Variants in ETFDH observed in about 807,000 individuals in gnomAD.
ETFDH encodes electron transfer flavoprotein dehydrogenase, also known as electron transfer flavoprotein-ubiquinone oxidoreductase, mitochondrial.
A neutral mutation model predicts 73.2 loss-of-function variants in ETFDH; 61 were observed. That is an observed-to-expected ratio of 0.83 (90% CI 0.68 to 1.03). ETFDH has a LOEUF of 1.03. Among genes scored for constraint, ETFDH ranks in the 50% least tolerant of loss-of-function variants. The probability of loss-of-function intolerance (pLI) is 0.00; values close to 1 mark genes in which losing one functional copy is unlikely to be tolerated. For missense variants in ETFDH, 685 were observed against 745.0 expected (o/e 0.92, Z 0.94); for synonymous variants, 243 against 253.3 (o/e 0.96, Z 0.39).
chr4:158,704,988 G>A (rs1774568960), intron 10 of ETFDH, among the ~76,000 whole-genome samples: 1 of 152,016 alleles, frequency 6.6e-6, no homozygotes, highest in Admixed American at 6.6e-5. Context: ...ACTGTATCAT[G>A]TGTATATAGT....
At chr4:158,674,652 T>A (rs925750205) in intron 1 of ETFDH, among the ~76,000 whole-genome samples, 8 of 152,054 alleles carry the variant, frequency 5.3e-5, no homozygotes, top group South Asian at 2.1e-4. Flanking sequence ...TTTGCCACTT[T>A]AAAAAAAATG....
intron 2 of ETFDH, 109 bp downstream of exon 2, chr4:158,680,716 T>C: frequency 1.0e-6 from 1 of 973,728 alleles, no homozygotes; most frequent in Non-Finnish European, 1.6e-6. Context: ...CTAATAATAT[T>C]TTGTGGCTTT....
chr4:158,685,052 T>C (rs201931323), intron 4 of ETFDH, 49 bp from the exon 5 acceptor site: 25 of 1,055,648 alleles, frequency 2.4e-5, no homozygotes, highest in Middle Eastern at 4.0e-4. Context: ...GTTTTTGTAA[T>C]GTCTTATCAA....
chr4:158,680,921 T>C (rs1327116759), intron 2 of ETFDH, among the ~76,000 whole-genome samples: 1 of 152,230 alleles, frequency 6.6e-6, no homozygotes, highest in Non-Finnish European at 1.5e-5. Context: ...CATACTCTAC[T>C]GCCAGTTCTT....
At chr4:158,702,462 C>T (rs151270096) in intron 9 of ETFDH, among the ~76,000 whole-genome samples, 7 of 152,164 alleles carry the variant, frequency 4.6e-5, no homozygotes, top group Non-Finnish European at 7.4e-5. Context: ...CCCGCCCCCA[C>T]GCCCCGCATC....
At chr4:158,698,597 T>C (rs1774374033) in intron 8 of ETFDH, among the ~76,000 whole-genome samples, 1 of 152,210 alleles carries the variant, frequency 6.6e-6, no homozygotes, top group African/African-American at 2.4e-5. Flanking sequence ...TTACAGCTCC[T>C]TTCATAGAAA....
At chr4:158,676,701 T>C (rs889293333) in intron 1 of ETFDH, among the ~76,000 whole-genome samples, 3 of 152,228 alleles carry the variant, frequency 2.0e-5, no homozygotes, top group African/African-American at 7.2e-5. Flanking sequence ...TCAGTTATAA[T>C]TTTTGCAAAG....
At chr4:158,677,635 T>G (rs1040816622) in intron 1 of ETFDH, among the ~76,000 whole-genome samples, 1 of 152,242 alleles carries the variant, frequency 6.6e-6, no homozygotes, top group Non-Finnish European at 1.5e-5. Context: ...CTAGGGCCTG[T>G]TGTCATGTGA....
At chr4:158,681,140 CA>C (rs1255109988) in intron 2 of ETFDH, among the ~76,000 whole-genome samples, 1 of 152,142 alleles carries the variant, frequency 6.6e-6, no homozygotes, top group Non-Finnish European at 1.5e-5. Flanking sequence ...TAGGAGATGA[CA>C]GCTCCATGCG....
At chr4:158,688,832 A>G (rs754775308) in intron 5 of ETFDH, among the ~76,000 whole-genome samples, 9 of 152,230 alleles carry the variant, frequency 5.9e-5, no homozygotes, top group African/African-American at 1.4e-4. Context: ...TACAGATACA[A>G]TCTATTCATT....
chr4:158,682,299 C>T lies in ETFDH; in HGVS notation c.280C>T (p.His94Tyr), dbSNP rs1257174428. 2.5e-6 allele frequency: 4 copies of T among 1,614,150 alleles called. No homozygotes were observed. Among genetic ancestry groups the T allele is most frequent in the South Asian group, 2.2e-5 (2 of 91,088 alleles). The stretch of plus-strand genomic sequence containing the variant: ...TCGTCTAAAACAGTTGGCTGTGGCA[C>T]ATGAAAAGGACATCCGTGTGTGTCT... ...AVRLKQLAVA[H>Y]EKDIRVCLVE... The change falls in exon 3 of 13, where the codon CAT becomes TAT. Residue 94 changes from histidine (H) to tyrosine (Y), a missense_variant. Physicochemically the swap from His to Tyr is moderately conservative, Grantham distance 83 (BLOSUM62 2). This residue lies in a region of ETFDH where 405 missense variants were observed against 399.3 expected (regional missense o/e 1.01). Coordinates refer to ENST00000511912, the MANE Select transcript of ETFDH (RefSeq NM_004453.4).
intron 9 of ETFDH, among the ~76,000 whole-genome samples, chr4:158,701,321 C>T (rs1298906970): frequency 6.6e-6 from 1 of 152,202 alleles, no homozygotes; most frequent in African/African-American, 2.4e-5. Flanking sequence ...TTGTCATCAT[C>T]TAAGTCCCTA....
chr4:158,705,580 C>T (rs776916165), intron 10 of ETFDH, among the ~76,000 whole-genome samples: 3 of 152,178 alleles, frequency 2.0e-5, no homozygotes, highest in Non-Finnish European at 4.4e-5. Context: ...TTCACTCTTA[C>T]AGGTAGCATG....
intron 6 of ETFDH, among the ~76,000 whole-genome samples, chr4:158,695,195 T>C (rs1774277492): frequency 6.6e-6 from 1 of 152,236 alleles, no homozygotes. Flanking sequence ...GAATGGCTAT[T>C]ATCCATTGGC....
chr4:158,678,442 CA>C (rs1253044061), intron 1 of ETFDH, among the ~76,000 whole-genome samples: 3 of 152,156 alleles, frequency 2.0e-5, no homozygotes, highest in Non-Finnish European at 2.9e-5. Context: ...CTTTTCACCA[CA>C]TCATATCAGG....
At chr4:158,676,271 G>A (rs1773708813) in intron 1 of ETFDH, among the ~76,000 whole-genome samples, 1 of 152,116 alleles carries the variant, frequency 6.6e-6, no homozygotes, top group Non-Finnish European at 1.5e-5. Flanking sequence ...CACTGAGTCA[G>A]TTCCAGGGTG....
Position 158,703,551 on chromosome 4 carries a change from T to C in ETFDH, c.1245T>C (p.Phe415=). 6.2e-7 allele frequency: 1 copy of C among 1,608,432 alleles called. No homozygotes were observed. Among genetic ancestry groups the C allele is most frequent in the African/African-American group, 1.3e-5 (1 of 74,960 alleles). The change falls in exon 10 of 13, where the codon TTT becomes TTC. Residue 415 remains phenylalanine (F), a synonymous_variant. Coordinates refer to ENST00000511912, the MANE Select transcript of ETFDH (RefSeq NM_004453.4). ...GAATTTTAGCAGCAGAATCTATTTTTAATCAACTAACTAGTGAAAATCTCC... is the reference window on the plus strand; with the variant it reads ...GAATTTTAGCAGCAGAATCTATTTTCAATCAACTAACTAGTGAAAATCTCC... ...KSGILAAESI[F]NQLTSENLQS...
intron 10 of ETFDH, among the ~76,000 whole-genome samples, 176 bp from the exon 11 acceptor site, chr4:158,706,013 G>C (rs1160391534): frequency 6.6e-6 from 1 of 152,154 alleles, no homozygotes; most frequent in Non-Finnish European, 1.5e-5. Context: ...TCTAGGAGGT[G>C]GAGGTTGCAG....
intron 1 of ETFDH, among the ~76,000 whole-genome samples, chr4:158,674,935 A>C (rs1773676091): frequency 6.6e-6 from 1 of 152,100 alleles, no homozygotes; most frequent in African/African-American, 2.4e-5. Context: ...TTAGATTTTT[A>C]TCATTCTTAG....
Sources: allele counts gnomAD v4.1 joint callset (sites outside exome capture counted in the v4.1 genomes callset), GRCh38; gene constraint gnomAD v4.1.1; regional missense constraint gnomAD v4.1.1; transcripts MANE v1.5; gene names NCBI Gene and HGNC (gene_info 2026-07-23, HGNC 2026-07-21).